Variants in PLCB1 observed in about 807,000 individuals in gnomAD.
PLCB1 encodes the protein phospholipase C beta 1, also known as 1-phosphatidylinositol 4,5-bisphosphate phosphodiesterase beta-1.
A neutral mutation model predicts 161.8 loss-of-function variants in PLCB1; 46 were observed. The observed-to-expected ratio is 0.28, with a 90% CI of 0.22 to 0.36. The LOEUF is 0.36. Among genes scored for constraint, PLCB1 ranks in the 10% least tolerant of loss-of-function variants. The probability of loss-of-function intolerance (pLI) is 1.00; values close to 1 mark genes in which losing one functional copy is unlikely to be tolerated. For missense variants in PLCB1, 1,016 were observed against 1,472.5 expected (o/e 0.69, Z 5.07); for synonymous variants, 517 against 503.7 (o/e 1.03, Z -0.35).
At position 8,536,259 on chromosome 20, in the gene PLCB1, A is replaced by G. The variant is rs1315585097; in HGVS notation, c.247-92035A>G. Among the ~76,000 whole-genome samples the G allele has an allele frequency of 1.3e-5, 2 of 152,052 alleles. 1 individual carries two copies. Among genetic ancestry groups the G allele is most frequent in the South Asian group, 4.2e-4 (2 of 4,806 alleles). ...ATGATTCTTAAGAGAAAGAAAGTTC[A>G]TGGATATACAAGAAGAAAAAAAAAT... On this transcript the variant is annotated intron_variant, in intron 3 of 31. Coordinates refer to ENST00000338037, the MANE Select transcript of PLCB1 (RefSeq NM_015192.4).
At chr20:8,661,342 T>C (rs931081052) in intron 9 of PLCB1, among the ~76,000 whole-genome samples, 2 of 152,140 alleles carry the variant, frequency 1.3e-5, no homozygotes, top group Non-Finnish European at 2.9e-5. Flanking sequence ...TTTTGGCTAA[T>C]GCTGTCTCTA....
intron 4 of PLCB1, among the ~76,000 whole-genome samples, chr20:8,629,956 T>TTTC (rs1179899370): frequency 1.3e-4 from 16 of 120,648 alleles, no homozygotes; most frequent in African/African-American, 6.4e-4. Context: ...CTTTCTTTTC[T>TTTC]TTCTTTCTTC....
At chr20:8,202,004 T>A (rs1486103475) in intron 2 of PLCB1, among the ~76,000 whole-genome samples, 2 of 152,204 alleles carry the variant, frequency 1.3e-5, no homozygotes, top group Non-Finnish European at 2.9e-5. Flanking sequence ...TGGTTAATAT[T>A]AATCTTATTC....
chr20:8,248,093 G>C (rs1211559139), intron 2 of PLCB1, among the ~76,000 whole-genome samples: 3 of 151,906 alleles, frequency 2.0e-5, no homozygotes, highest in African/African-American at 7.2e-5. Context: ...TCTCAGGAGA[G>C]ACTGGCAGAG....
intron 3 of PLCB1, among the ~76,000 whole-genome samples, chr20:8,378,387 T>A (rs1474155987): frequency 6.6e-6 from 1 of 152,222 alleles, no homozygotes; most frequent in Non-Finnish European, 1.5e-5. Flanking sequence ...CATTTTTTGG[T>A]TTCCCACTGC....
intron 11 of PLCB1, among the ~76,000 whole-genome samples, chr20:8,703,924 G>A (rs143665035): frequency 6.6e-6 from 1 of 152,294 alleles, no homozygotes; most frequent in African/African-American, 2.4e-5. Flanking sequence ...AGGAGGGGAG[G>A]AGGGGTCTTA....
chr20:8,751,932 T>C (rs1981500188), intron 23 of PLCB1: 1 of 152,182 alleles, frequency 6.6e-6, no homozygotes, highest in Non-Finnish European at 1.5e-5. Flanking sequence ...TTGAGTGGGA[T>C]AAGGAATTTG....
At position 8,862,046 on chromosome 20, in the gene PLCB1, TTTAA is replaced by T. The variant is rs1472546305; in HGVS notation, c.3424-19572_3424-19569del. On this transcript the variant is annotated intron_variant, in intron 31 of 31. Coordinates refer to ENST00000338037, the MANE Select transcript of PLCB1 (RefSeq NM_015192.4). ...AAAATAGACTGGCATTATGTTATTATTTAATTATTATTTTAATGCAAAAGCTATT... is the reference window on the plus strand; with the variant it reads ...AAAATAGACTGGCATTATGTTATTATTTATTATTTTAATGCAAAAGCTATT... Among the ~76,000 whole-genome samples, 9 of 152,206 alleles carry T rather than the reference TTTAA, an allele frequency of 5.9e-5. No homozygotes were observed. The South Asian group carries it at 1.7e-3, about 28-fold the overall frequency.
At chr20:8,455,882 G>A (rs1334414495) in intron 3 of PLCB1, among the ~76,000 whole-genome samples, 1 of 152,154 alleles carries the variant, frequency 6.6e-6, no homozygotes, top group African/African-American at 2.4e-5. Context: ...TCTTTGTGCT[G>A]AGTATTAATT....
intron 3 of PLCB1, among the ~76,000 whole-genome samples, chr20:8,399,303 T>G (rs1306394891): frequency 2.6e-5 from 4 of 152,200 alleles, no homozygotes; most frequent in African/African-American, 9.7e-5. Context: ...TATATCTCTT[T>G]TTATTTGCAA....
At chr20:8,775,684 C>G (rs528230532) in intron 27 of PLCB1, among the ~76,000 whole-genome samples, 1 of 152,234 alleles carries the variant, frequency 6.6e-6, no homozygotes, top group East Asian at 1.9e-4. Flanking sequence ...TATTGAAAAT[C>G]AAATTCTAAC....
chr20:8,475,628 C>A (rs1982244079), intron 3 of PLCB1, among the ~76,000 whole-genome samples: 1 of 152,174 alleles, frequency 6.6e-6, no homozygotes, highest in African/African-American at 2.4e-5. Context: ...ATCTTTCAGA[C>A]ACTTGCACAC....
intron 11 of PLCB1, among the ~76,000 whole-genome samples, chr20:8,701,256 G>T (rs142729223): frequency 6.6e-6 from 1 of 152,146 alleles, no homozygotes; most frequent in African/African-American, 2.4e-5. Flanking sequence ...GTTTCTTACT[G>T]CTTTCCCCCT....
chr20:8,577,131 C>A (rs1461940397), intron 3 of PLCB1, among the ~76,000 whole-genome samples: 1 of 152,098 alleles, frequency 6.6e-6, no homozygotes, highest in African/African-American at 2.4e-5. Flanking sequence ...AAGATAAATA[C>A]TTTTTAAGAG....
At chr20:8,147,503 T>C (rs1252970526) in intron 1 of PLCB1, among the ~76,000 whole-genome samples, 1 of 152,176 alleles carries the variant, frequency 6.6e-6, no homozygotes, top group Non-Finnish European at 1.5e-5. Flanking sequence ...ATATTTGGGA[T>C]CTGGGTTGAG....
chr20:8,462,662 T>C (rs1981631713), intron 3 of PLCB1, among the ~76,000 whole-genome samples: 1 of 152,176 alleles, frequency 6.6e-6, no homozygotes, highest in Non-Finnish European at 1.5e-5. Flanking sequence ...TGGATAAATG[T>C]AAACGCAATC....
intron 2 of PLCB1, among the ~76,000 whole-genome samples, chr20:8,267,764 C>T (rs1035160346): frequency 6.6e-6 from 1 of 152,072 alleles, no homozygotes; most frequent in African/African-American, 2.4e-5. Flanking sequence ...TTCAAATACT[C>T]TCTAGAGGTT....
intron 3 of PLCB1, among the ~76,000 whole-genome samples, chr20:8,570,905 G>T (rs557985528): frequency 1.1e-3 from 165 of 152,286 alleles, no homozygotes; most frequent in South Asian, 4.6e-3. Context: ...CAAAGATCAG[G>T]GGTCTGGAGC....
At chr20:8,805,588 A>G (rs1984496687) in intron 31 of PLCB1, among the ~76,000 whole-genome samples, 2 of 152,248 alleles carry the variant, frequency 1.3e-5, no homozygotes, top group African/African-American at 4.8e-5. Flanking sequence ...ATTAGCATTT[A>G]TGGAGCACTT....
Sources: gnomAD v4.1 joint callset for allele counts (sites outside exome capture counted in the v4.1 genomes callset) on GRCh38, gnomAD v4.1.1 for gene constraint, MANE v1.5 for transcripts, NCBI Gene and HGNC (gene_info 2026-07-23, HGNC 2026-07-21) for gene names.